The following PRRX1 variants were observed in gnomAD, a reference collection of about 807,000 sequenced individuals.
PRRX1 encodes paired related homeobox 1, also known as paired mesoderm homeobox protein 1.
In PRRX1, 8 loss-of-function variants were observed where a neutral mutation model predicts 24.0. The observed-to-expected ratio is 0.33, with a 90% confidence interval of 0.20 to 0.60. The LOEUF is 0.60. PRRX1 is among the 20% of genes least tolerant of loss of function. The pLI is 0.82. For missense variants in PRRX1, 281 were observed against 322.4 expected (o/e 0.87, Z 0.98); for synonymous variants, 160 against 131.7 (o/e 1.22, Z -1.47).
At chr1:170,666,332 C>G (rs890400263) in intron 1 of PRRX1, among the ~76,000 whole-genome samples, 1 of 145,016 alleles carries the variant, frequency 6.9e-6, no homozygotes, top group African/African-American at 2.5e-5. Context: ...GCAGGAGAAT[C>G]GCTTAAACCC....
chr1:170,702,132 T>A (rs192056601), intron 1 of PRRX1, among the ~76,000 whole-genome samples: 1 of 152,256 alleles, frequency 6.6e-6, no homozygotes, highest in East Asian at 1.9e-4. Flanking sequence ...CACAATAGGG[T>A]TTCTACTCGT....
chr1:170,713,145 T>C (rs1275437373), intron 1 of PRRX1, among the ~76,000 whole-genome samples: 1 of 152,228 alleles, frequency 6.6e-6, no homozygotes, highest in African/African-American at 2.4e-5. Flanking sequence ...TTAGTAGTAG[T>C]ATTTCATGTC....
intron 2 of PRRX1, among the ~76,000 whole-genome samples, chr1:170,725,638 G>A (rs1571347539): frequency 6.6e-6 from 1 of 152,170 alleles, no homozygotes; most frequent in Admixed American, 6.5e-5. Flanking sequence ...GAGATAGCTG[G>A]TTTAGTAGTA....
chr1:170,730,206 T>C (rs1200584365), intron 3 of PRRX1: 2 of 1,273,312 alleles, frequency 1.6e-6, no homozygotes, highest in Admixed American at 3.4e-5. Context: ...CATTTGATCG[T>C]GGTCATGGTG....
chr1:170,728,332 C>T (rs1486362426), intron 3 of PRRX1: 3 of 152,086 alleles, frequency 2.0e-5, no homozygotes, highest in Non-Finnish European at 4.4e-5. Context: ...TTATGCGTGC[C>T]TTTTTTGGAA....
chr1:170,735,687 C>T (rs1311920519), intron 3 of PRRX1, among the ~76,000 whole-genome samples: 4 of 152,118 alleles, frequency 2.6e-5, no homozygotes, highest in African/African-American at 9.7e-5. Flanking sequence ...GTAGGCAGGA[C>T]AAGAGATTAA....
chr1:170,664,088 C>CTCTCTCTCTCTCT, upstream of PRRX1: 13 of 661,376 alleles, frequency 2.0e-5, no homozygotes, highest in Non-Finnish European at 2.9e-5. Flanking sequence ...CCTCTTCCTC[C>CTCTCTCTCTCTCT]CTCTCTCTCT....
chr1:170,719,950 G>T, intron 2 of PRRX1, 49 bp downstream of exon 2: 1 of 1,599,484 alleles, frequency 6.3e-7, no homozygotes. Flanking sequence ...CTCCTCAGAG[G>T]CACATCTCTG....
chr1:170,730,004 A>G (rs963952317), intron 3 of PRRX1, among the ~76,000 whole-genome samples: 12 of 152,226 alleles, frequency 7.9e-5, no homozygotes, highest in South Asian at 6.2e-4. Context: ...TTTGAGATGA[A>G]GTAGCCAAGA....
At chr1:170,706,675 C>G (rs1220192847) in intron 1 of PRRX1, among the ~76,000 whole-genome samples, 1 of 152,094 alleles carries the variant, frequency 6.6e-6, no homozygotes, top group East Asian at 1.9e-4. Flanking sequence ...TAAATTTGGT[C>G]TGGGGCTATG....
At chr1:170,716,382 A>T (rs1654907431) in intron 1 of PRRX1, among the ~76,000 whole-genome samples, 1 of 152,172 alleles carries the variant, frequency 6.6e-6, no homozygotes, top group Non-Finnish European at 1.5e-5. Flanking sequence ...CAGGAGATCG[A>T]GACCATCCCG....
intron 1 of PRRX1, among the ~76,000 whole-genome samples, chr1:170,718,557 C>T (rs1175238776): frequency 6.6e-6 from 1 of 152,196 alleles, no homozygotes. Flanking sequence ...GCCAAGCTCT[C>T]CTTGTTCTCC....
chr1:170,735,996 T>C (rs371248591), intron 3 of PRRX1, 52 bp from the exon 4 acceptor site: 1 of 1,610,896 alleles, frequency 6.2e-7, no homozygotes, highest in Non-Finnish European at 8.5e-7. Context: ...GACTTGCAGC[T>C]TTGTGAAACT....
intron 1 of PRRX1, among the ~76,000 whole-genome samples, chr1:170,690,131 C>A (rs1364893142): frequency 6.7e-6 from 1 of 149,968 alleles, no homozygotes. Flanking sequence ...CCTCCCCCCC[C>A]ATTTTTTCAA....
chr1:170,679,423 G>T (rs575713714), intron 1 of PRRX1, among the ~76,000 whole-genome samples: 1 of 151,958 alleles, frequency 6.6e-6, no homozygotes, highest in Non-Finnish European at 1.5e-5. Context: ...TATTTGAGAC[G>T]GAGTCTGGCT....
rs531624636 is a variant in PRRX1 at position 170,736,087 on chromosome 1, C to A, written c.639C>A (p.Ser213Arg). ...ATTCTGCCACATGTGCCAACAATAG[C>A]CCTGCACAGGGCATCAACATGGCCA... Reference protein sequence around the residue: ...ATYSATCANNSPAQGINMANS... With the variant: ...ATYSATCANNRPAQGINMANS... Residue 213 changes from serine (S) to arginine (R), a missense_variant, in exon 4 of 4, where the codon AGC becomes AGA. Transcript: ENST00000239461. The A allele has an allele frequency of 1.9e-6, 3 of 1,614,132 alleles. No homozygotes were observed. Among genetic ancestry groups the A allele is most frequent in the South Asian group, 2.2e-5 (2 of 91,082 alleles).
chr1:170,700,962 C>T (rs375413316), intron 1 of PRRX1, among the ~76,000 whole-genome samples: 4 of 152,138 alleles, frequency 2.6e-5, no homozygotes, highest in African/African-American at 9.7e-5. Context: ...TTTTTCTGAA[C>T]TCTTGAAATT....
Position 170,736,509 on chromosome 1 carries a change from T to C in PRRX1, c.*323T>C, listed in dbSNP as rs1219618294. On this transcript the variant is annotated 3_prime_UTR_variant, in exon 4 of 4. Coordinates refer to ENST00000239461, the MANE Select transcript of PRRX1 (RefSeq NM_022716.4). ...CAGCCCACCCACCCCCATGATTGTA[T>C]GAAGTTTTAAAAAAAACTACAGCAG... 1 of 367,528 alleles carries C rather than the reference T, an allele frequency of 2.7e-6. No individual in the cohort carries two copies. Among genetic ancestry groups the C allele is most frequent in the Non-Finnish European group, 5.1e-6 (1 of 195,108 alleles). 22.8% of individuals were successfully genotyped at this position (367,528 alleles called of 1,614,324 possible).
In PRRX1 at chr1:170,664,449, G is replaced by T. The variant is rs1010165748; in HGVS notation, c.231G>T (p.Pro77=). ...GACTCACCAGCGGCAGCGACACCCC[G>T]CAGCAGGACAGTGAGTGAGGGGCGC... The part of the protein sequence containing the change: ...SPGLTSGSDT[P]QQDNDQLNSE... The change falls in exon 1 of 4, where the codon CCG becomes CCT. Residue 77 remains proline, a synonymous_variant. Coordinates refer to ENST00000239461, the MANE Select transcript of PRRX1 (RefSeq NM_022716.4). The T allele has an allele frequency of 1.2e-6, 2 of 1,602,352 alleles. No individual in the cohort carries two copies. The highest frequency in any genetic ancestry group is 1.7e-6 in the Non-Finnish European group (2 of 1,175,160).
Sources: gnomAD v4.1 joint callset for allele counts (sites outside exome capture counted in the v4.1 genomes callset) on GRCh38, gnomAD v4.1.1 for gene constraint, MANE v1.5 for transcripts, NCBI Gene and HGNC (gene_info 2026-07-23, HGNC 2026-07-21) for gene names.